The following ARID1B variants were observed in gnomAD, a reference collection of about 807,000 sequenced individuals.
ARID1B encodes AT-rich interactive domain-containing protein 1B.
Under a neutral mutation model 212.3 loss-of-function variants are expected in ARID1B, and 30 were observed. That is an observed-to-expected ratio of 0.14 (90% CI 0.11 to 0.19). The LOEUF (loss-of-function observed/expected upper bound fraction) is 0.19, where lower values mean the gene tolerates loss of function less well. Among genes scored for constraint, ARID1B ranks in the 10% least tolerant of loss-of-function variants. The pLI is 1.00. For missense variants in ARID1B, 2,891 were observed against 3,204.0 expected (o/e 0.90, Z 2.36); for synonymous variants, 1,402 against 1,301.7 (o/e 1.08, Z -1.66).
rs570220751 is a variant in ARID1B at position 157,035,779 on chromosome 6, G to A, written c.2248-48883G>A. 2.6e-5 allele frequency among the ~76,000 whole-genome samples: 4 copies of A among 152,306 alleles called. No individual in the cohort carries two copies. The East Asian group carries it at 7.7e-4, about 29-fold the overall frequency. ...GCCAGTGCCAGGGGGTGGTCAGTGA[G>A]CCTGGCTTTCAGTGAAGCAGTTGGA... On this transcript the variant is annotated intron_variant, in intron 4 of 19. Coordinates refer to ENST00000636930, the MANE Select transcript of ARID1B (RefSeq NM_001374828.1).
At chr6:157,052,996 G>A (rs1782705258) in intron 4 of ARID1B, among the ~76,000 whole-genome samples, 1 of 152,154 alleles carries the variant, frequency 6.6e-6, no homozygotes, top group Admixed American at 6.5e-5. Flanking sequence ...GAGATTACAA[G>A]CGTGAGCCAC....
intron 4 of ARID1B, among the ~76,000 whole-genome samples, chr6:157,004,125 G>A (rs933241833): frequency 9.2e-5 from 14 of 151,972 alleles, no homozygotes; most frequent in Admixed American, 6.6e-5. Flanking sequence ...GGCTGGTCTC[G>A]AACTCCTGAC....
At chr6:156,838,473 G>A (rs1343760736) in intron 2 of ARID1B, among the ~76,000 whole-genome samples, 6 of 152,092 alleles carry the variant, frequency 3.9e-5, no homozygotes, top group African/African-American at 7.2e-5. Flanking sequence ...GCTGTGCAGG[G>A]ATGGTTTTCC....
rs1788930830 is a variant in ARID1B at position 156,901,465 on chromosome 6, C to T, written c.2076C>T (p.His692=). Residue 692 remains histidine, a synonymous_variant, in exon 3 of 20, where the codon CAC becomes CAT. Coordinates refer to ENST00000636930, the MANE Select transcript of ARID1B (RefSeq NM_001374828.1). ...PYYSQQPQPP[H]LPPQAQYLPS... ...ACAGCCAGCAGCCGCAGCCCCCGCA[C>T]CTCCCACCCCAGGCGCAGTATCTGC... 1 of 1,614,108 alleles carries T rather than the reference C, an allele frequency of 6.2e-7. No individual in the cohort carries two copies. The highest frequency in any genetic ancestry group is 8.5e-7 in the Non-Finnish European group (1 of 1,180,048).
At chr6:156,950,855 T>G (rs1274231474) in intron 4 of ARID1B, among the ~76,000 whole-genome samples, 1 of 152,202 alleles carries the variant, frequency 6.6e-6, no homozygotes, top group African/African-American at 2.4e-5. Flanking sequence ...CAGTTTTACC[T>G]TTGAATTTAC....
rs1307182887 is a variant in ARID1B, at chr6:157,200,512, C to T, written c.4480-193C>T. Among the ~76,000 whole-genome samples the T allele has an allele frequency of 6.6e-6, 1 of 152,086 alleles. No homozygotes were observed. The highest frequency in any genetic ancestry group is 2.4e-5 in the African/African-American group (1 of 41,420). Reference sequence around the variant, plus strand: ...TGAAAACAAACTTTGGATGCTCTCTCCTCAGTGTGTGACATGGTGTATATA... The same window carrying T: ...TGAAAACAAACTTTGGATGCTCTCTTCTCAGTGTGTGACATGGTGTATATA... On this transcript the variant is annotated intron_variant, in intron 17 of 19. Transcript: ENST00000636930. This position sits in a 1 kb window ranked among gnomAD's most constrained non-coding sequence, Gnocchi z 4.3.
Position 156,995,742 on chromosome 6 carries a change from T to C in ARID1B, c.2247+60166T>C, listed in dbSNP as rs185743394. 3.1e-3 allele frequency among the ~76,000 whole-genome samples: 471 copies of C among 152,342 alleles called. 1 individual carries two copies. Among genetic ancestry groups the C allele is most frequent in the South Asian group, 0.022 (108 of 4,826 alleles). On this transcript the variant is annotated intron_variant, in intron 4 of 19. Transcript: ENST00000636930. The stretch of plus-strand genomic sequence containing the variant: ...CTATCACCAGATGAGATGGAGAATC[T>C]GCAGCCTAGTAACGTGTTTCATGTC...
At chr6:156,905,990 C>T (rs1221180168) in intron 3 of ARID1B, among the ~76,000 whole-genome samples, 1 of 152,012 alleles carries the variant, frequency 6.6e-6, no homozygotes, top group South Asian at 2.1e-4. Context: ...GAGAAATATC[C>T]CTGTAATAAA....
chr6:156,829,674 G>A (rs1783007760), intron 2 of ARID1B: 2 of 400,356 alleles, frequency 5.0e-6, no homozygotes, highest in Non-Finnish European at 9.0e-6. Flanking sequence ...TAGGTGCACT[G>A]TGTCATAAAT....
At chr6:156,869,392 A>T (rs943393819) in intron 2 of ARID1B, among the ~76,000 whole-genome samples, 1 of 152,222 alleles carries the variant, frequency 6.6e-6, no homozygotes, top group Non-Finnish European at 1.5e-5. Flanking sequence ...TGAAATTTGC[A>T]TGTGAATTTT....
At chr6:157,005,013 A>G (rs1779160048) in intron 4 of ARID1B, among the ~76,000 whole-genome samples, 1 of 143,522 alleles carries the variant, frequency 7.0e-6, no homozygotes, top group Non-Finnish European at 1.5e-5. Context: ...CCCGGATTCA[A>G]GAGATTCTCC....
chr6:156,999,977 A>G (rs1778816292), intron 4 of ARID1B, among the ~76,000 whole-genome samples: 1 of 152,222 alleles, frequency 6.6e-6, no homozygotes, highest in South Asian at 2.1e-4. Context: ...AGAGTGAAAT[A>G]TGGTGACATG....
intron 1 of ARID1B, among the ~76,000 whole-genome samples, chr6:156,815,695 A>C (rs1394066914): frequency 6.6e-6 from 1 of 152,196 alleles, no homozygotes; most frequent in Non-Finnish European, 1.5e-5. Context: ...GTGGGACTTG[A>C]TTAATAATTT....
intron 5 of ARID1B, among the ~76,000 whole-genome samples, chr6:157,089,279 C>T (rs56326242): frequency 0.035 from 5,286 of 151,224 alleles, 206 homozygotes; most frequent in Non-Finnish European, 0.043. Context: ...GGTAGATAAA[C>T]GAAGCCCAGT....
Position 157,207,974 on chromosome 6 carries a change from G to C in ARID1B, c.*83G>C. On this transcript the variant is annotated 3_prime_UTR_variant, in exon 20 of 20. Coordinates refer to ENST00000636930, the MANE Select transcript of ARID1B (RefSeq NM_001374828.1). The surrounding 1 kb of genome is among the most constrained non-coding windows in gnomAD (Gnocchi z 8.5). ...TGTTTTCTGTTCTTGTTTATCCAGC[G>C]TAGGAAGAAGGAAAAGAAAATCTTT... 7.4e-7 allele frequency: 1 copy of C among 1,355,242 alleles called. No individual in the cohort carries two copies. The highest frequency in any genetic ancestry group is 9.6e-7 in the Non-Finnish European group (1 of 1,043,772). The allele number at this position is 1,355,242 out of a possible 1,614,324, so 84.0% of individuals were successfully genotyped here.
intron 4 of ARID1B, among the ~76,000 whole-genome samples, chr6:157,001,516 A>G (rs1303966964): frequency 3.3e-5 from 5 of 152,202 alleles, no homozygotes; most frequent in Admixed American, 1.3e-4. Context: ...CGAAGCAGCT[A>G]CTTCATGGTC....
chr6:156,895,308 A>T (rs1788293999), intron 2 of ARID1B, among the ~76,000 whole-genome samples: 1 of 152,216 alleles, frequency 6.6e-6, no homozygotes, highest in African/African-American at 2.4e-5. Context: ...AACCTACAGG[A>T]CACTTGTTTC....
chr6:157,060,339 GATTA>G lies in ARID1B; in HGVS notation c.2248-24318_2248-24315del, dbSNP rs527254043. Among the ~76,000 whole-genome samples, 676 of 152,220 alleles carry G rather than the reference GATTA, an allele frequency of 4.4e-3. 4 individuals carry two copies. The highest frequency in any genetic ancestry group is 0.016 in the African/African-American group (644 of 41,538). ...AGTAGACATGTGCGCAACTTTTTAA[GATTA>G]ATTATCTGGAACAAAAATAATTATT... On this transcript the variant is annotated intron_variant, in intron 4 of 19. Transcript: ENST00000636930.
Position 156,915,027 on chromosome 6 carries a change from A to G in ARID1B, c.2136+13502A>G, listed in dbSNP as rs80265270. On this transcript the variant is annotated intron_variant, in intron 3 of 19. Transcript: ENST00000636930. Reference sequence around the variant, plus strand: ...TGCACAAAGTAGAAACTTAGTAAACATGGTGAAAATTGTTGATTTAATCAT... The same window carrying G: ...TGCACAAAGTAGAAACTTAGTAAACGTGGTGAAAATTGTTGATTTAATCAT... Among the ~76,000 whole-genome samples the G allele has an allele frequency of 7.1e-3, 1,077 of 152,338 alleles. 36 individuals are homozygous for G. The highest frequency in any genetic ancestry group is 0.045 in the Admixed American group (695 of 15,302).
Sources: allele counts gnomAD v4.1 joint callset (sites outside exome capture counted in the v4.1 genomes callset), GRCh38; gene constraint gnomAD v4.1.1; non-coding constraint Gnocchi (gnomAD v3.1); transcripts MANE v1.5; gene names NCBI Gene and HGNC (gene_info 2026-07-23, HGNC 2026-07-21).